The following RGP1 variants were observed in gnomAD, a reference collection of about 807,000 sequenced individuals.
RGP1 encodes RAB6A-GEF complex partner protein 2.
A neutral mutation model predicts 44.5 loss-of-function variants in RGP1; 28 were observed. That is an observed-to-expected ratio of 0.63 (90% CI 0.47 to 0.86). The LOEUF (loss-of-function observed/expected upper bound fraction) is 0.86, where lower values mean the gene tolerates loss of function less well. RGP1 is among the 40% of genes least tolerant of loss of function. The probability of loss-of-function intolerance (pLI) is 0.00; values close to 1 mark genes in which losing one functional copy is unlikely to be tolerated. For missense variants in RGP1, 417 were observed against 490.7 expected, an observed-to-expected ratio of 0.85 and a Z score of 1.42; for synonymous variants, 212 against 196.7, an observed-to-expected ratio of 1.08 and a Z score of -0.65.
chr9:35,776,674 A>C, the RGP1 span, among the ~76,000 whole-genome samples: 1 of 151,922 alleles, frequency 6.6e-6, no homozygotes, highest in East Asian at 1.9e-4. Flanking sequence ...TCAGCCCTAC[A>C]GTTCATCTTG....
intron 3 of RGP1, 105 bp downstream of exon 3, chr9:35,750,484 C>T (rs1827230161): frequency 7.2e-7 from 1 of 1,392,582 alleles, no homozygotes; most frequent in South Asian, 1.3e-5. Context: ...CTTATAGTCC[C>T]TGTCATGCTG....
downstream of RGP1, among the ~76,000 whole-genome samples, chr9:35,760,333 G>A (rs1008423215): frequency 4.6e-5 from 7 of 151,932 alleles, no homozygotes; most frequent in East Asian, 1.9e-4. Flanking sequence ...ACATTTTGGA[G>A]GATAATCCTT....
At chr9:35,782,878 G>A in the RGP1 span, among the ~76,000 whole-genome samples, 3 of 147,818 alleles carry the variant, frequency 2.0e-5, no homozygotes, top group African/African-American at 7.5e-5. Flanking sequence ...GTGTGATCTC[G>A]GCTCACTGCA....
the RGP1 span, among the ~76,000 whole-genome samples, chr9:35,781,720 G>A: frequency 2.0e-5 from 3 of 151,984 alleles, no homozygotes; most frequent in African/African-American, 7.3e-5. Flanking sequence ...AAACAGTTGT[G>A]TAGGGTGTTA....
chr9:35,751,127 G>A (rs1827253244), intron 5 of RGP1, 138 bp downstream of exon 5: 1 of 1,444,070 alleles, frequency 6.9e-7, no homozygotes, highest in Admixed American at 1.9e-5. Context: ...AAGGGAGGGA[G>A]GGTTCTGGAG....
the RGP1 span, among the ~76,000 whole-genome samples, chr9:35,771,461 A>T: frequency 6.6e-6 from 1 of 152,218 alleles, no homozygotes; most frequent in Admixed American, 6.5e-5. Flanking sequence ...GTGAAGATTG[A>T]TGAAAAATTA....
rs1229338185 is a variant in RGP1 at position 35,751,906 on chromosome 9, C to T, written c.763-50C>T. 5 of 1,553,282 alleles carry T rather than the reference C, an allele frequency of 3.2e-6. No homozygotes were observed. In the African/African-American group the frequency reaches 4.1e-5, roughly 13 times the overall value. ...ACAGCTTGAGGTTGGGCTGTCCTCT[C>T]ACCTACAGACAGCACTTCCTGTTAG... is the stretch of plus-strand genomic sequence containing the variant. On this transcript the variant is annotated intron_variant, in intron 7 of 8. Coordinates refer to ENST00000378078, the MANE Select transcript of RGP1 (RefSeq NM_001080496.3).
At position 35,754,903 on chromosome 9, in the gene RGP1, A is replaced by C. The variant is rs1185532088; in HGVS notation, c.*2029A>C. 1.3e-5 allele frequency: 2 copies of C among 152,158 alleles called. No homozygotes were observed. Among genetic ancestry groups the C allele is most frequent in the Non-Finnish European group, 1.5e-5 (1 of 68,030 alleles). 9.4% of individuals were successfully genotyped at this position (152,158 alleles called of 1,614,324 possible). ...CATACAGCAGATGTGGGATCACCCC[A>C]CATCTGGGGATGGTTCTTTCCCCTT... On this transcript the variant is annotated 3_prime_UTR_variant, in exon 9 of 9. Coordinates refer to ENST00000378078, the MANE Select transcript of RGP1 (RefSeq NM_001080496.3).
the RGP1 span, among the ~76,000 whole-genome samples, chr9:35,783,483 C>T: frequency 1.5e-4 from 23 of 152,246 alleles, no homozygotes; most frequent in African/African-American, 5.3e-4. Flanking sequence ...GCCTATGCTT[C>T]CCAACCTCTG....
At chr9:35,752,548 C>T (rs1029714353) in intron 8 of RGP1, 103 bp from the exon 9 acceptor site, 2 of 1,065,274 alleles carry the variant, frequency 1.9e-6, no homozygotes, top group Non-Finnish European at 2.8e-6. Flanking sequence ...CCCTGTCTTC[C>T]TGAACACAGA....
chr9:35,783,883 G>T, the RGP1 span, among the ~76,000 whole-genome samples: 1 of 152,114 alleles, frequency 6.6e-6, no homozygotes. Context: ...TTTTCATTAT[G>T]GCGATACTAA....
rs976807271 is a variant in RGP1, at chr9:35,753,371, C to A, written c.*497C>A. 11 of 1,425,428 alleles carry A rather than the reference C, an allele frequency of 7.7e-6. No homozygotes were observed. The highest frequency in any genetic ancestry group is 2.6e-5 in the South Asian group (2 of 76,304). 88.3% of individuals were successfully genotyped at this position (1,425,428 alleles called of 1,614,324 possible). A position where few individuals can be genotyped will look rare whatever the true frequency, so the allele number is the denominator to read the frequency against. ...GTTCCCTCTCTCACAGTTTTCCCCCCACAGAGCCCCTTTCAGTGGCCCCTT... is the reference window on the plus strand; with the variant it reads ...GTTCCCTCTCTCACAGTTTTCCCCCAACAGAGCCCCTTTCAGTGGCCCCTT... On this transcript the variant is annotated 3_prime_UTR_variant, in exon 9 of 9. Transcript: ENST00000378078. This position sits in a 1 kb window ranked among gnomAD's most constrained non-coding sequence, Gnocchi z 4.2.
Position 35,753,207 on chromosome 9 carries a change from C to T in RGP1, c.*333C>T. 1 of 1,614,150 alleles carries T rather than the reference C, an allele frequency of 6.2e-7. No individual in the cohort carries two copies. The highest frequency in any genetic ancestry group is 1.7e-5 in the Admixed American group (1 of 60,022). On this transcript the variant is annotated 3_prime_UTR_variant, in exon 9 of 9. Transcript: ENST00000378078. The surrounding 1 kb of genome is among the most constrained non-coding windows in gnomAD (Gnocchi z 4.2). ...GGCAGCCGAGGGTCAGATTTTTGCA[C>T]CAAGGAGAACTGGCAGGTTCCTGCC...
chr9:35,785,826 A>G, the RGP1 span, among the ~76,000 whole-genome samples: 6 of 152,124 alleles, frequency 3.9e-5, no homozygotes, highest in East Asian at 9.7e-4. Flanking sequence ...TTCGTCTTGT[A>G]TATCCAGTCG....
chr9:35,778,892 C>T, the RGP1 span, among the ~76,000 whole-genome samples: 2 of 152,160 alleles, frequency 1.3e-5, no homozygotes, highest in Non-Finnish European at 2.9e-5. Flanking sequence ...GATGTTCTAT[C>T]TCCAGTCTAT....
chr9:35,759,515 TTGCATCAC>T (rs1827398330), downstream of RGP1, among the ~76,000 whole-genome samples: 1 of 127,900 alleles, frequency 7.8e-6, no homozygotes, highest in East Asian at 2.3e-4. Flanking sequence ...TGAGCCGAGA[TTGCATCAC>T]TGCACTGCAC....
the RGP1 span, among the ~76,000 whole-genome samples, chr9:35,766,023 C>T: frequency 5.3e-5 from 8 of 151,098 alleles, no homozygotes; most frequent in Middle Eastern, 3.2e-3. Flanking sequence ...TTAGTAGAGA[C>T]GGGGTTTCAC....
In RGP1 at chr9:35,751,613, C is replaced by A; in HGVS notation, c.635-14C>A. ...TATGTAGACTCCAGGCTTATAGTGT[C>A]CTATTCTCCCCAGATCTATACAATA... On this transcript the variant is annotated splice_polypyrimidine_tract_variant and intron_variant, in intron 6 of 8. Transcript: ENST00000378078. The A allele has an allele frequency of 6.2e-7, 1 of 1,613,888 alleles. No individual in the cohort carries two copies. Among genetic ancestry groups the A allele is most frequent in the South Asian group, 1.1e-5 (1 of 91,044 alleles).
chr9:35,771,435 G>C, the RGP1 span, among the ~76,000 whole-genome samples: 2 of 152,180 alleles, frequency 1.3e-5, no homozygotes, highest in African/African-American at 4.8e-5. Context: ...GTTAAGGTTA[G>C]TAGTTCTACC....
Sources: allele counts gnomAD v4.1 joint callset (sites outside exome capture counted in the v4.1 genomes callset), GRCh38; gene constraint gnomAD v4.1.1; non-coding constraint Gnocchi (gnomAD v3.1); transcripts MANE v1.5; gene names NCBI Gene and HGNC (gene_info 2026-07-23, HGNC 2026-07-21).